Variants in WDR11 observed in about 807,000 individuals in gnomAD.
WDR11 encodes WD repeat-containing protein 11.
Under a neutral mutation model 151.2 loss-of-function variants are expected in WDR11, and 83 were observed. That is an observed-to-expected ratio of 0.55 (90% confidence interval 0.46 to 0.66). WDR11 has a LOEUF of 0.66. WDR11 is among the 30% of genes least tolerant of loss of function. The pLI, the probability that WDR11 is intolerant of heterozygous loss-of-function variation, is 0.00. For synonymous variants in WDR11, 484 were observed against 533.1 expected, an observed-to-expected ratio of 0.91 and a Z score of 1.27; for missense variants, 1,301 against 1,480.9, an observed-to-expected ratio of 0.88 and a Z score of 1.99.
chr10:120,899,804 A>G, intron 19 of WDR11: 2 of 572,442 alleles, frequency 3.5e-6, no homozygotes, highest in Admixed American at 3.0e-5. Context: ...AAAATAAAAA[A>G]TCAAAAAAGG....
intron 27 of WDR11, chr10:120,906,449 G>A: frequency 7.9e-7 from 1 of 1,258,094 alleles, no homozygotes; most frequent in Non-Finnish European, 1.0e-6. Context: ...TCAAAACTAA[G>A]GGAGGTAGAT....
At chr10:120,904,190 A>G in intron 24 of WDR11, 48 bp downstream of exon 24, 1 of 1,421,178 alleles carries the variant, frequency 7.0e-7, no homozygotes, top group Non-Finnish European at 9.9e-7. Flanking sequence ...TTGCTAGTTA[A>G]TTCGTATTTC....
At chr10:120,871,759 T>C (rs1335160432) in intron 10 of WDR11, among the ~76,000 whole-genome samples, 1 of 152,150 alleles carries the variant, frequency 6.6e-6, no homozygotes, top group East Asian at 1.9e-4. Context: ...AATAGCAGGG[T>C]TCTTCTTTTG....
intron 4 of WDR11, among the ~76,000 whole-genome samples, chr10:120,861,839 G>A (rs1332911286): frequency 2.0e-5 from 3 of 152,098 alleles, no homozygotes; most frequent in South Asian, 2.1e-4. Context: ...GCTAAATATG[G>A]TGCTCCCTCC....
At position 120,900,082 on chromosome 10, in the gene WDR11, G is replaced by A. The variant is rs1352994519; in HGVS notation, c.2569G>A (p.Ala857Thr). The A allele has an allele frequency of 1.2e-6, 2 of 1,614,120 alleles. No individual in the cohort carries two copies. The highest frequency in any genetic ancestry group is 1.7e-5 in the Admixed American group (1 of 60,028). Residue 857 changes from alanine (A) to threonine (T), a missense_variant, in exon 20 of 29, where the codon GCC becomes ACC. This residue lies in a region of WDR11 where 589 missense variants were observed against 670.6 expected (regional missense o/e 0.88). Transcript: ENST00000263461. ...LVPRASLALK[A>T]FLLHQPWNGQ... is the part of the protein sequence containing the mutation. The stretch of plus-strand genomic sequence containing the variant: ...TCCAAGGGCCTCTCTTGCCTTGAAA[G>A]CCTTCTTATTACACCAGCCTTGGAA...
At position 120,905,381 on chromosome 10, in the gene WDR11, T is replaced by TA; in HGVS notation, c.3257dup (p.Tyr1086Ter). The TA allele has an allele frequency of 6.2e-7, 1 of 1,614,198 alleles. No individual in the cohort carries two copies. Among genetic ancestry groups the TA allele is most frequent in the South Asian group, 1.1e-5 (1 of 91,084 alleles). ...AADACRYLQT[Y>*]GEWNRAAWLA... is the part of the protein sequence containing the mutation. ...AGACGCCTGCCGCTACCTGCAGACA[T>TA]ACGGCGAGTGGAATCGGGCTGCATG... The change falls in exon 26 of 29, where the codon TAC (tyrosine) becomes TAAC (stop). Residue 1086 changes from tyrosine to a stop codon, truncating the protein, a stop_gained and frameshift_variant. Coordinates refer to ENST00000263461, the MANE Select transcript of WDR11 (RefSeq NM_018117.12). LOFTEE classifies it high-confidence loss of function.
In WDR11 at chr10:120,905,913, G is replaced by A; in HGVS notation, c.3329G>A (p.Arg1110Lys). The A allele has an allele frequency of 6.2e-7, 1 of 1,614,120 alleles. No homozygotes were observed. Among genetic ancestry groups the A allele is most frequent in the Non-Finnish European group, 8.5e-7 (1 of 1,180,026 alleles). The change falls in exon 27 of 29, where the codon AGG becomes AAG. Residue 1110 changes from arginine (R) to lysine (K), a missense_variant. Arg to Lys is a conservative substitution (Grantham distance 26). This residue lies in a region of WDR11 where 589 missense variants were observed against 670.6 expected (regional missense o/e 0.88). Transcript: ENST00000263461. The stretch of plus-strand genomic sequence containing the variant: ...CCTGAGGAGTGTGCCGATGTTTTAA[G>A]GCGGTGGGTTGACCACCTTTGTTCT... ...LNPEECADVL[R>K]RWVDHLCSPQ...
At chr10:120,880,937 T>A in intron 13 of WDR11, 36 bp downstream of exon 13, 2 of 1,544,468 alleles carry the variant, frequency 1.3e-6, no homozygotes, top group Non-Finnish European at 1.8e-6. Context: ...TATGGTGTTA[T>A]CACAATGAAA....
At chr10:120,898,315 T>A (rs1847685746) in intron 19 of WDR11, among the ~76,000 whole-genome samples, 1 of 152,226 alleles carries the variant, frequency 6.6e-6, no homozygotes, top group Non-Finnish European at 1.5e-5. Context: ...CTATTTAGAT[T>A]TTATAAAATT....
At chr10:120,865,290 G>A in intron 6 of WDR11, 78 bp downstream of exon 6, 1 of 1,414,592 alleles carries the variant, frequency 7.1e-7, no homozygotes, top group Non-Finnish European at 9.9e-7. Flanking sequence ...TCTTGCATAA[G>A]TCTTGTCTTC....
chr10:120,865,833 T>C (rs2133745780), intron 7 of WDR11, 89 bp downstream of exon 7: 1 of 827,446 alleles, frequency 1.2e-6, no homozygotes, highest in East Asian at 2.7e-5. Flanking sequence ...AGGTATATAG[T>C]TAATGATACT....
In WDR11 at chr10:120,899,816, G is replaced by T. The variant is rs1475725201; in HGVS notation, c.2516-213G>T. 1.0e-4 allele frequency: 59 copies of T among 584,706 alleles called. 1 individual carries two copies. The Admixed American group carries it at 1.8e-3, about 18-fold the overall frequency. The allele number at this position is 584,706 out of a possible 1,614,324, so 36.2% of individuals were successfully genotyped here. The stretch of plus-strand genomic sequence containing the variant: ...AATAAAATAAAAAATCAAAAAAGGG[G>T]GAAAAGAAAAATATGTTAATCAGAT... On this transcript the variant is annotated intron_variant, in intron 19 of 28. Coordinates refer to ENST00000263461, the MANE Select transcript of WDR11 (RefSeq NM_018117.12).
chr10:120,853,563 C>A (rs1458030701), intron 2 of WDR11, among the ~76,000 whole-genome samples: 1 of 152,152 alleles, frequency 6.6e-6, no homozygotes, highest in South Asian at 2.1e-4. Context: ...CCGCGCCCAG[C>A]AGGAATTTGG....
chr10:120,866,356 AGTT>A lies in WDR11; in HGVS notation c.995-209_995-207del, dbSNP rs3217469. Among the ~76,000 whole-genome samples the A allele has an allele frequency of 0.15, 22,723 of 152,090 alleles. 2,246 individuals are homozygous for A. Among genetic ancestry groups the A allele is most frequent in the East Asian group, 0.34 (1,732 of 5,160 alleles). ...TATTGAAAAAAGATATCTTGATTAT[AGTT>A]GTTATTTTGGAAATTAAACTTAGTA... On this transcript the variant is annotated intron_variant, in intron 7 of 28. Transcript: ENST00000263461.
chr10:120,880,839 T>C lies in WDR11; in HGVS notation c.1677T>C (p.Ala559=). 6.2e-7 allele frequency: 1 copy of C among 1,604,762 alleles called. No homozygotes were observed. The highest frequency in any genetic ancestry group is 8.5e-7 in the Non-Finnish European group (1 of 1,174,080). The change falls in exon 13 of 29, where the codon GCT becomes GCC. Residue 559 remains alanine, a synonymous_variant. Coordinates refer to ENST00000263461, the MANE Select transcript of WDR11 (RefSeq NM_018117.12). ...TTGCAATTAAAGGTAGGAGCATTGCTTTTCGTGGTGAAAGAGGCAATGATG... is the reference window on the plus strand; with the variant it reads ...TTGCAATTAAAGGTAGGAGCATTGCCTTTCGTGGTGAAAGAGGCAATGATG... ...LVDLPTGRSI[A]FRGERGNDES...
chr10:120,904,221 A>G (rs1847948327), intron 24 of WDR11, 79 bp downstream of exon 24: 1 of 1,119,532 alleles, frequency 8.9e-7, no homozygotes, highest in African/African-American at 1.6e-5. Flanking sequence ...ATCTGTATGT[A>G]TATATTTCAT....
intron 27 of WDR11, chr10:120,906,256 C>G: frequency 7.2e-7 from 1 of 1,390,988 alleles, no homozygotes; most frequent in Non-Finnish European, 9.3e-7. Context: ...TTAACAGGCA[C>G]CTAGTAAAAG....
At chr10:120,864,115 C>A (rs1846232387) in intron 5 of WDR11, among the ~76,000 whole-genome samples, 1 of 152,092 alleles carries the variant, frequency 6.6e-6, no homozygotes, top group African/African-American at 2.4e-5. Context: ...TCTATTAATT[C>A]CTGGACTCTT....
At chr10:120,859,528 A>G (rs1472506247) in intron 3 of WDR11, among the ~76,000 whole-genome samples, 1 of 151,900 alleles carries the variant, frequency 6.6e-6, no homozygotes, top group Admixed American at 6.6e-5. Flanking sequence ...CGTCCTCCCA[A>G]AGTGCTGGGA....
Sources: gnomAD v4.1 joint callset for allele counts (sites outside exome capture counted in the v4.1 genomes callset) on GRCh38, gnomAD v4.1.1 for gene constraint, gnomAD v4.1.1 regional missense constraint, MANE v1.5 for transcripts, NCBI Gene and HGNC (gene_info 2026-07-23, HGNC 2026-07-21) for gene names.